Variants in PIEZO1 observed in about 807,000 individuals in gnomAD.
PIEZO1 encodes the protein piezo type mechanosensitive ion channel component 1 (Er blood group).
Under a neutral mutation model 297.2 loss-of-function variants are expected in PIEZO1, and 296 were observed. That is an observed-to-expected ratio of 1.00 (90% CI 0.91 to 1.10). PIEZO1 has a LOEUF of 1.10. Among genes scored for constraint, PIEZO1 ranks in the 50% least tolerant of loss-of-function variants. The probability of loss-of-function intolerance (pLI) is 0.00; values close to 1 mark genes in which losing one functional copy is unlikely to be tolerated. For synonymous variants in PIEZO1, 2,427 were observed against 1,507.5 expected (o/e 1.61, Z -14.13); for missense variants, 5,018 against 3,455.5 (o/e 1.45, Z -11.34).
At chr16:88,762,617 G>C (rs1906984297) in intron 1 of PIEZO1, among the ~76,000 whole-genome samples, 1 of 152,222 alleles carries the variant, frequency 6.6e-6, no homozygotes, top group African/African-American at 2.4e-5. Flanking sequence ...TGGCAGCCAA[G>C]GCAAGGAAGG....
At chr16:88,783,893 G>C (rs1908048267) in intron 1 of PIEZO1, among the ~76,000 whole-genome samples, 1 of 152,232 alleles carries the variant, frequency 6.6e-6, no homozygotes, top group South Asian at 2.1e-4. Context: ...AGCGAGGCAA[G>C]GGCTCCGAAA....
intron 37 of PIEZO1, 33 bp from the exon 38 acceptor site, chr16:88,721,759 G>C: frequency 6.5e-7 from 1 of 1,534,864 alleles, no homozygotes; most frequent in Non-Finnish European, 8.8e-7. Flanking sequence ...CGCGGGGAGG[G>C]TCACGGCGCG....
intron 1 of PIEZO1, among the ~76,000 whole-genome samples, chr16:88,761,904 A>G (rs1906950700): frequency 6.6e-6 from 1 of 152,168 alleles, no homozygotes; most frequent in Non-Finnish European, 1.5e-5. Context: ...AAGGGGACAG[A>G]TTCCAGGGCA....
chr16:88,746,530 G>A (rs951124202), intron 2 of PIEZO1, among the ~76,000 whole-genome samples: 15 of 152,142 alleles, frequency 9.9e-5, no homozygotes, highest in Non-Finnish European at 1.9e-4. Flanking sequence ...GGATCAGGCT[G>A]ACGCCTACAA....
chr16:88,763,111 C>T (rs79315917), intron 1 of PIEZO1, among the ~76,000 whole-genome samples: 1 of 152,210 alleles, frequency 6.6e-6, no homozygotes, highest in African/African-American at 2.4e-5. Flanking sequence ...ACCTGGCGTT[C>T]CAGGTCATGA....
chr16:88,719,389 A>G, intron 44 of PIEZO1, 185 bp downstream of exon 44: 1 of 607,480 alleles, frequency 1.6e-6, no homozygotes, highest in South Asian at 2.0e-5. Flanking sequence ...CCCAGCACTC[A>G]CTCGCAGCTG....
intron 1 of PIEZO1, among the ~76,000 whole-genome samples, chr16:88,782,411 C>G (rs1907976721): frequency 6.6e-6 from 1 of 152,210 alleles, no homozygotes; most frequent in Non-Finnish European, 1.5e-5. Context: ...CGCGCCCAGC[C>G]CTGCCCTGAC....
chr16:88,716,477 C>A lies in PIEZO1; in HGVS notation c.6933G>T (p.Leu2311=), dbSNP rs766262024. 6.5e-7 allele frequency: 1 copy of A among 1,547,080 alleles called. No homozygotes were observed. Among genetic ancestry groups the A allele is most frequent in the Non-Finnish European group, 8.7e-7 (1 of 1,145,048 alleles). Reference sequence around the variant, plus strand: ...CATACTCCACAGTGCCTCCCTTCGCCAGGTCCCTGGGGGTGGGAACACAGC... The same window carrying A: ...CATACTCCACAGTGCCTCCCTTCGCAAGGTCCCTGGGGGTGGGAACACAGC... ...LRFTWNFQRD[L]AKGGTVEYAN... is the part of the protein sequence containing the mutation. Residue 2311 remains leucine, a synonymous_variant, in exon 48 of 51, where the codon CTG becomes CTT. Coordinates refer to ENST00000301015, the MANE Select transcript of PIEZO1 (RefSeq NM_001142864.4).
chr16:88,749,194 C>T lies in PIEZO1; in HGVS notation c.160+190G>A, dbSNP rs189318261. ...GGCGAAGCCTGCAGTGAGCAGAGAT[C>T]GCGCCACTGCACTCCAGCCTGGGCG... is the stretch of plus-strand genomic sequence containing the variant. On this transcript the variant is annotated intron_variant, in intron 2 of 50. Transcript: ENST00000301015. 4.0e-3 allele frequency among the ~76,000 whole-genome samples: 601 copies of T among 149,266 alleles called. 2 individuals are homozygous for T. Among genetic ancestry groups the T allele is most frequent in the African/African-American group, 0.014 (561 of 40,366 alleles).
rs752125451 is a variant in PIEZO1, at chr16:88,723,893, G to C, written c.4313C>G (p.Pro1438Arg). Reference protein sequence around the residue: ...EEEAVPEDPRPSAQSAFQLAY... With the variant: ...EEEAVPEDPRRSAQSAFQLAY... ...CACCTGGAAGGCACTCTGTGCCGAC[G>C]GCCTCGGGTCTTCAGGAACAGCCTC... Residue 1438 changes from proline (P) to arginine (R), a missense_variant, in exon 31 of 51, where the codon CCG becomes CGG. Transcript: ENST00000301015. 6.5e-7 allele frequency: 1 copy of C among 1,545,888 alleles called. No individual in the cohort carries two copies. The highest frequency in any genetic ancestry group is 8.8e-7 in the Non-Finnish European group (1 of 1,142,796).
intron 1 of PIEZO1, among the ~76,000 whole-genome samples, chr16:88,763,803 G>A (rs1301902313): frequency 6.6e-6 from 1 of 152,164 alleles, no homozygotes; most frequent in Non-Finnish European, 1.5e-5. Flanking sequence ...AGCTGGCCCC[G>A]CCCCCAGCAT....
At chr16:88,777,202 G>A (rs1907705070) in intron 1 of PIEZO1, among the ~76,000 whole-genome samples, 1 of 152,210 alleles carries the variant, frequency 6.6e-6, no homozygotes, top group African/African-American at 2.4e-5. Context: ...TGAACTCCTG[G>A]CCTTGGGATC....
chr16:88,722,642 CTGG>C lies in PIEZO1; in HGVS notation c.4713_4715del (p.Ser1571_Gln1572delinsArg). On this transcript the variant is annotated inframe_deletion, in exon 35 of 51. Coordinates refer to ENST00000301015, the MANE Select transcript of PIEZO1 (RefSeq NM_001142864.4). ...TGGGGCCTGGCAGCGTGGCCTCGGC[CTGG>C]CTTGTGTACAGCTGATCCAGCACGC... 6.5e-7 allele frequency: 1 copy of C among 1,538,642 alleles called. No individual in the cohort carries two copies. Among genetic ancestry groups the C allele is most frequent in the Non-Finnish European group, 8.7e-7 (1 of 1,146,258 alleles).
At chr16:88,726,497 G>T in intron 26 of PIEZO1, 42 bp from the exon 27 acceptor site, 4 of 1,547,264 alleles carry the variant, frequency 2.6e-6, no homozygotes, top group East Asian at 4.9e-5. Context: ...CAGGGCCCAG[G>T]AGCAGGGGGC....
chr16:88,731,959 A>ATGCACTGAGTCTGGGG (rs1482630762), intron 21 of PIEZO1, 49 bp from the exon 22 acceptor site: 1 of 63,334 alleles, frequency 1.6e-5, no homozygotes, highest in Non-Finnish European at 2.9e-5. Flanking sequence ...GTCTGGGGGG[A>ATGCACTGAGTCTGGGG]GGGACTTTCT....
chr16:88,722,996 C>G lies in PIEZO1; in HGVS notation c.4509G>C (p.Val1503=). ...PEEAAAGRSH[V]VQRVLSTAQF... is the part of the protein sequence containing the mutation. ...GCGCCGTGCTCAGCACCCTCTGCAC[C>G]ACATGGCTCCGGCCTGCGGGAGGGC... The change falls in exon 34 of 51, where the codon GTG becomes GTC. Residue 1503 remains valine, a synonymous_variant. Coordinates refer to ENST00000301015, the MANE Select transcript of PIEZO1 (RefSeq NM_001142864.4). 1.3e-6 allele frequency: 2 copies of G among 1,547,096 alleles called. No homozygotes were observed. The highest frequency in any genetic ancestry group is 1.7e-6 in the Non-Finnish European group (2 of 1,146,200).
intron 12 of PIEZO1, 145 bp from the exon 13 acceptor site, chr16:88,735,391 C>T: frequency 1.5e-6 from 1 of 649,302 alleles, no homozygotes. Context: ...CCCACAGGCA[C>T]CGAACACCCT....
Position 88,725,033 on chromosome 16 carries a change from G to T in PIEZO1, c.4210C>A (p.Arg1404=). 1 of 1,496,282 alleles carries T rather than the reference G, an allele frequency of 6.7e-7. No homozygotes were observed. The highest frequency in any genetic ancestry group is 8.9e-7 in the Non-Finnish European group (1 of 1,124,624). 92.7% of individuals were successfully genotyped at this position (1,496,282 alleles called of 1,614,324 possible). The change falls in exon 30 of 51, where the codon CGG becomes AGG. Residue 1404 remains arginine (R), a synonymous_variant. Transcript: ENST00000301015. ...GSSPPRRQWW[R]PWLDHATVIH... ...CCTGTGGCGTGGTCCAGCCAGGGCC[G>T]CCACCACTGCCTCCGTGGCGGGGAG...
chr16:88,716,892 A>G lies in PIEZO1; in HGVS notation c.6667T>C (p.Phe2223Leu). 3 of 1,549,896 alleles carry G rather than the reference A, an allele frequency of 1.9e-6. No homozygotes were observed. Among genetic ancestry groups the G allele is most frequent in the Non-Finnish European group, 2.6e-6 (3 of 1,146,920 alleles). ...GACGGCTGCTGGGCGCTCATGGTGA[A>G]CAGCGGCTGGGGCAGGCACGGGGAC... ...TLKLGGYEPL[F>L]TMSAQQPSII... Residue 2223 changes from phenylalanine (F) to leucine (L), a missense_variant, in exon 46 of 51, where the codon TTC (phenylalanine) becomes CTC (leucine). Phe to Leu is a conservative substitution (Grantham distance 22, BLOSUM62 0). Transcript: ENST00000301015.
Sources: gnomAD v4.1 joint callset for allele counts (sites outside exome capture counted in the v4.1 genomes callset) on GRCh38, gnomAD v4.1.1 for gene constraint, MANE v1.5 for transcripts, NCBI Gene and HGNC (gene_info 2026-07-23, HGNC 2026-07-21) for gene names.